SLC26A7: variants seen among roughly 807,000 people sequenced by gnomAD.
SLC26A7 encodes solute carrier family 26 member 7.
A neutral mutation model predicts 82.5 loss-of-function variants in SLC26A7; 59 were observed. The observed-to-expected ratio is 0.72, with a 90% CI of 0.58 to 0.89. The LOEUF is 0.89. Among genes scored for constraint, SLC26A7 ranks in the 40% least tolerant of loss-of-function variants. The probability of loss-of-function intolerance (pLI) is 0.00; values close to 1 mark genes in which losing one functional copy is unlikely to be tolerated. For synonymous variants in SLC26A7, 271 were observed against 274.3 expected, an observed-to-expected ratio of 0.99 and a Z score of 0.12; for missense variants, 820 against 793.0, an observed-to-expected ratio of 1.03 and a Z score of -0.41.
intron 2 of SLC26A7, among the ~76,000 whole-genome samples, chr8:91,265,075 A>G (rs1811074841): frequency 6.6e-6 from 1 of 151,814 alleles, no homozygotes; most frequent in Non-Finnish European, 1.5e-5. Flanking sequence ...ACTAACCACT[A>G]TTTTACTCTC....
intron 1 of SLC26A7, among the ~76,000 whole-genome samples, chr8:91,218,039 C>G (rs897349389): frequency 2.0e-5 from 3 of 152,114 alleles, no homozygotes; most frequent in African/African-American, 7.2e-5. Context: ...CCTGTCTGAA[C>G]CTTTCAATAG....
chr8:91,354,443 C>G (rs1813805517), intron 11 of SLC26A7, among the ~76,000 whole-genome samples: 1 of 152,026 alleles, frequency 6.6e-6, no homozygotes, highest in Admixed American at 6.6e-5. Flanking sequence ...GGAGTAGTGA[C>G]AGATGATGTG....
At chr8:91,369,443 AATGT>A (rs1449400602) in intron 14 of SLC26A7, among the ~76,000 whole-genome samples, 3 of 152,012 alleles carry the variant, frequency 2.0e-5, no homozygotes, top group Admixed American at 2.0e-4. Context: ...CTTAAAATGC[AATGT>A]TAATAAAGAT....
chr8:91,312,641 C>CTGTGTGTG (rs56386837), intron 4 of SLC26A7, among the ~76,000 whole-genome samples: 2 of 149,542 alleles, frequency 1.3e-5, no homozygotes, highest in African/African-American at 4.9e-5. Context: ...GTAGGTGTGT[C>CTGTGTGTG]TGTGTGTGTG....
intron 2 of SLC26A7, among the ~76,000 whole-genome samples, chr8:91,243,896 C>T (rs151107542): frequency 6.6e-6 from 1 of 152,170 alleles, no homozygotes; most frequent in Non-Finnish European, 1.5e-5. Flanking sequence ...TAAAAGAAAC[C>T]TGCATTAAAT....
intron 4 of SLC26A7, among the ~76,000 whole-genome samples, chr8:91,307,123 G>A (rs1448149859): frequency 3.0e-5 from 4 of 133,830 alleles, no homozygotes; most frequent in South Asian, 2.8e-4. Context: ...CAGTTAGAAT[G>A]GCGATCATTA....
At chr8:91,394,092 A>G (rs1307383204) in intron 18 of SLC26A7, 53 bp downstream of exon 18, 2 of 1,593,488 alleles carry the variant, frequency 1.3e-6, no homozygotes, top group East Asian at 2.2e-5. Context: ...AGAATATAGA[A>G]TCGAAGCTTT....
At chr8:91,372,960 C>T (rs1170390512) in intron 15 of SLC26A7, among the ~76,000 whole-genome samples, 2 of 151,742 alleles carry the variant, frequency 1.3e-5, no homozygotes, top group Non-Finnish European at 3.0e-5. Flanking sequence ...TAAATGTGTT[C>T]CTAGGTATTT....
At chr8:91,340,286 T>C in intron 7 of SLC26A7, 118 bp from the exon 8 acceptor site, 1 of 1,281,748 alleles carries the variant, frequency 7.8e-7, no homozygotes, top group Non-Finnish European at 1.1e-6. Context: ...GGTTTTCTCA[T>C]GGGTATTTCA....
exon 2 of SLC26A7, chr8:91,218,900 T>C (rs1810107814): frequency 6.5e-7 from 1 of 1,546,550 alleles, no homozygotes; most frequent in African/African-American, 1.4e-5. Context: ...GACTGGAAGA[T>C]AAGCAAGAAT....
chr8:91,231,791 G>A (rs956185057), intron 2 of SLC26A7, among the ~76,000 whole-genome samples: 12 of 152,112 alleles, frequency 7.9e-5, no homozygotes, highest in African/African-American at 2.9e-4. Flanking sequence ...GTATGTGTGT[G>A]TATGTGTGTG....
intron 2 of SLC26A7, among the ~76,000 whole-genome samples, chr8:91,225,965 C>A (rs1810233444): frequency 6.6e-6 from 1 of 152,136 alleles, no homozygotes; most frequent in Non-Finnish European, 1.5e-5. Context: ...TGTCTCCTGC[C>A]TCTTGGAACT....
intron 1 of SLC26A7, among the ~76,000 whole-genome samples, chr8:91,213,697 TG>T (rs1189291399): frequency 1.3e-5 from 2 of 152,236 alleles, no homozygotes; most frequent in Non-Finnish European, 2.9e-5. Context: ...CACTGTAGGT[TG>T]TCTGGTTTGG....
intron 10 of SLC26A7, 24 bp from the exon 11 acceptor site, chr8:91,352,877 C>T: frequency 6.4e-7 from 1 of 1,561,242 alleles, no homozygotes; most frequent in Non-Finnish European, 8.7e-7. Context: ...GTTGCTTCTT[C>T]TTCAACTTAC....
intron 4 of SLC26A7, among the ~76,000 whole-genome samples, chr8:91,310,674 C>A (rs935196670): frequency 6.6e-6 from 1 of 152,110 alleles, no homozygotes; most frequent in Non-Finnish European, 1.5e-5. Context: ...GAAAATTCAA[C>A]TGGGAAGGGA....
chr8:91,240,337 CTT>C (rs1443751963), intron 2 of SLC26A7, among the ~76,000 whole-genome samples: 2 of 152,094 alleles, frequency 1.3e-5, no homozygotes, highest in Non-Finnish European at 2.9e-5. Context: ...GCAATGTAAA[CTT>C]TGAAACATCT....
intron 3 of SLC26A7, 68 bp downstream of exon 3, chr8:91,289,314 C>G: frequency 8.2e-7 from 1 of 1,215,564 alleles, no homozygotes; most frequent in Non-Finnish European, 1.2e-6. Context: ...TTACTGATTA[C>G]ATCTCCTTAG....
intron 2 of SLC26A7, among the ~76,000 whole-genome samples, chr8:91,243,388 G>A (rs1000449995): frequency 1.3e-5 from 2 of 152,132 alleles, no homozygotes; most frequent in Non-Finnish European, 2.9e-5. Flanking sequence ...AACAAAACAA[G>A]CATTAAGATT....
intron 2 of SLC26A7, among the ~76,000 whole-genome samples, chr8:91,261,887 A>G (rs1456035939): frequency 4.6e-5 from 7 of 152,110 alleles, no homozygotes; most frequent in Admixed American, 4.6e-4. Context: ...TTGTGGGGAA[A>G]AGAAAGAGAA....
Sources: gnomAD v4.1 joint callset for allele counts (sites outside exome capture counted in the v4.1 genomes callset) on GRCh38, gnomAD v4.1.1 for gene constraint, MANE v1.5 for transcripts, NCBI Gene and HGNC (gene_info 2026-07-23, HGNC 2026-07-21) for gene names.